Variants in TRIM14 observed in about 807,000 individuals in gnomAD.
TRIM14 encodes the protein tripartite motif-containing protein 14.
A neutral mutation model predicts 44.5 loss-of-function variants in TRIM14; 28 were observed. The ratio of observed to expected loss-of-function variants is 0.63; its 90% CI spans 0.47 to 0.86. The LOEUF (loss-of-function observed/expected upper bound fraction) is 0.86, where lower values mean the gene tolerates loss of function less well. TRIM14 is among the 40% of genes least tolerant of loss of function. The pLI is 0.00. For synonymous variants in TRIM14, 299 were observed against 269.2 expected, an observed-to-expected ratio of 1.11 and a Z score of -1.08; for missense variants, 607 against 611.1, an observed-to-expected ratio of 0.99 and a Z score of 0.07.
downstream of TRIM14, among the ~76,000 whole-genome samples, chr9:98,068,580 G>C (rs1463062414): frequency 6.6e-6 from 1 of 151,608 alleles, no homozygotes; most frequent in Non-Finnish European, 1.5e-5. Flanking sequence ...TTGGGAAGCT[G>C]AGGTAGGAGG....
At chr9:98,045,340 C>T in the TRIM14 span, among the ~76,000 whole-genome samples, 2 of 152,162 alleles carry the variant, frequency 1.3e-5, no homozygotes, top group African/African-American at 4.8e-5. Flanking sequence ...CCTAAAGCTG[C>T]CTCCTTACAT....
In TRIM14 at chr9:98,087,325, T is replaced by C; in HGVS notation, c.*145A>G. 3 of 1,247,972 alleles carry C rather than the reference T, an allele frequency of 2.4e-6. No individual in the cohort carries two copies. Among genetic ancestry groups the C allele is most frequent in the Non-Finnish European group, 2.4e-6 (2 of 846,524 alleles). 77.3% of individuals were successfully genotyped at this position (1,247,972 alleles called of 1,614,324 possible). ...AGGAGAGGAAACCTTCAAAGCACTG[T>C]AGGCGTGATTGGTCGGGGAAAGCTG... On this transcript the variant is annotated 3_prime_UTR_variant, in exon 6 of 6. Transcript: ENST00000341469.
the TRIM14 span, among the ~76,000 whole-genome samples, chr9:98,037,780 C>T: frequency 6.6e-6 from 1 of 152,228 alleles, no homozygotes; most frequent in South Asian, 2.1e-4. Context: ...AACTGGACCC[C>T]CATCCTCAAC....
chr9:98,116,354 G>T (rs1198304563), intron 1 of TRIM14, among the ~76,000 whole-genome samples: 1 of 150,794 alleles, frequency 6.6e-6, no homozygotes, highest in African/African-American at 2.4e-5. Context: ...CTTGGTCCTT[G>T]TCTACACAGT....
the TRIM14 span, among the ~76,000 whole-genome samples, chr9:98,063,721 T>A: frequency 1.3e-5 from 2 of 151,010 alleles, no homozygotes; most frequent in Admixed American, 6.6e-5. Flanking sequence ...AAAAAAAAAA[T>A]TTATAGAGAC....
At chr9:98,067,438 G>C (rs1373112918), downstream of TRIM14, among the ~76,000 whole-genome samples, 1 of 152,158 alleles carries the variant, frequency 6.6e-6, no homozygotes, top group Non-Finnish European at 1.5e-5. Flanking sequence ...AGCCATCCTA[G>C]TGGATGTGAC....
chr9:98,061,111 C>CAGCT, the TRIM14 span: 1 of 1,012,730 alleles, frequency 9.9e-7, no homozygotes. Flanking sequence ...TTTCTGTTCC[C>CAGCT]AGCTACTGGA....
chr9:98,062,032 G>A, the TRIM14 span, among the ~76,000 whole-genome samples: 1 of 151,698 alleles, frequency 6.6e-6, no homozygotes, highest in East Asian at 1.9e-4. Context: ...GACCAGTGTG[G>A]GCAACACAGG....
intron 2 of TRIM14, 25 bp downstream of exon 2, chr9:98,109,864 G>T (rs747993122): frequency 5.0e-5 from 80 of 1,586,120 alleles, no homozygotes; most frequent in Non-Finnish European, 5.3e-5. Flanking sequence ...CTTTCCATGG[G>T]TATGAGGAAG....
At chr9:98,044,655 AGCCACCGT>A in the TRIM14 span, among the ~76,000 whole-genome samples, 1 of 152,030 alleles carries the variant, frequency 6.6e-6, no homozygotes, top group Non-Finnish European at 1.5e-5. Context: ...TACAGGCATG[AGCCACCGT>A]GCCTGGCTGC....
At chr9:98,044,661 C>T in the TRIM14 span, among the ~76,000 whole-genome samples, 307 of 152,188 alleles carry the variant, frequency 2.0e-3, 1 homozygote, top group African/African-American at 7.1e-3. Context: ...CATGAGCCAC[C>T]GTGCCTGGCT....
rs1029885308 is a variant in TRIM14, at chr9:98,095,183, G to A, written c.538-154C>T. Among the ~76,000 whole-genome samples, 2 of 152,246 alleles carry A rather than the reference G, an allele frequency of 1.3e-5. No homozygotes were observed. Among genetic ancestry groups the A allele is most frequent in the African/African-American group, 4.8e-5 (2 of 41,470 alleles). On this transcript the variant is annotated intron_variant, in intron 3 of 5. Coordinates refer to ENST00000341469, the MANE Select transcript of TRIM14 (RefSeq NM_014788.4). This position sits in a 1 kb window ranked among gnomAD's most constrained non-coding sequence, Gnocchi z 4.1. ...AGCCCAGGCCATGCCTGCAGGAGCA[G>A]AGCCCTGGAGAGACCATACGGCATC...
At chr9:98,081,255 C>T, downstream of TRIM14, 2 of 815,472 alleles carry the variant, frequency 2.5e-6, no homozygotes, top group Non-Finnish European at 3.8e-6. Context: ...ATGCATGTCA[C>T]TCTGGCCTGT....
At chr9:98,043,148 T>C in the TRIM14 span, among the ~76,000 whole-genome samples, 2 of 151,946 alleles carry the variant, frequency 1.3e-5, no homozygotes, top group South Asian at 2.1e-4. Flanking sequence ...TTCTTTACTC[T>C]AGGGAATTGT....
the TRIM14 span, among the ~76,000 whole-genome samples, chr9:98,051,116 G>A: frequency 6.6e-6 from 1 of 152,156 alleles, no homozygotes. Flanking sequence ...CAACTGAAGA[G>A]AGACCGTTTG....
rs1417915764 is a variant in TRIM14, at chr9:98,085,687, A to G, written c.*1783T>C. 6.6e-6 allele frequency: 1 copy of G among 152,256 alleles called. No individual in the cohort carries two copies. The highest frequency in any genetic ancestry group is 1.9e-4 in the East Asian group (1 of 5,186). The allele number at this position is 152,256 out of a possible 1,614,324, so 9.4% of individuals were successfully genotyped here. The stretch of plus-strand genomic sequence containing the variant: ...CAGCATAGTGCTTAAAACTCTGTCC[A>G]GCCAGAGTTTTAAAGTCTTTGGTTA... On this transcript the variant is annotated 3_prime_UTR_variant, in exon 6 of 6. Transcript: ENST00000341469.
In TRIM14 at chr9:98,093,733, G is replaced by GTTT. The variant is rs1270701960; in HGVS notation, c.700+1131_700+1133dup. 6.8e-5 allele frequency among the ~76,000 whole-genome samples: 8 copies of GTTT among 118,058 alleles called. No homozygotes were observed. In the South Asian group the frequency reaches 1.4e-3, roughly 20 times the overall value. The allele number at this position is 118,058 out of a possible 152,430, so 77.5% of individuals were successfully genotyped here. A position where few individuals can be genotyped will look rare whatever the true frequency, so the allele number is the denominator to read the frequency against. ...CTTTCCTGTCTTCCATCCTGCCCTG[G>GTTT]TTTATTATTATTATTATTATTGTTA... is the stretch of plus-strand genomic sequence containing the variant. On this transcript the variant is annotated intron_variant, in intron 4 of 5. Coordinates refer to ENST00000341469, the MANE Select transcript of TRIM14 (RefSeq NM_014788.4).
chr9:98,046,261 C>T, the TRIM14 span, among the ~76,000 whole-genome samples: 7 of 152,076 alleles, frequency 4.6e-5, no homozygotes, highest in Admixed American at 6.5e-5. Context: ...CTTATACATG[C>T]GTAAGTATTA....
chr9:98,050,026 A>G, the TRIM14 span, among the ~76,000 whole-genome samples: 2 of 152,230 alleles, frequency 1.3e-5, no homozygotes, highest in Non-Finnish European at 2.9e-5. Context: ...AGGAAAAGGA[A>G]AGTGAAGTAC....
Sources: gnomAD v4.1 joint callset for allele counts (sites outside exome capture counted in the v4.1 genomes callset) on GRCh38, gnomAD v4.1.1 for gene constraint, Gnocchi (gnomAD v3.1) non-coding constraint, MANE v1.5 for transcripts, NCBI Gene and HGNC (gene_info 2026-07-23, HGNC 2026-07-21) for gene names.